FMR1: variants seen among roughly 807,000 people sequenced by gnomAD.
FMR1 encodes FMRP translational regulator 1.
FMR1 carries 13 observed loss-of-function variants against 50.6 expected under a neutral mutation model. The observed-to-expected ratio is 0.26, with a 90% CI of 0.17 to 0.41. The LOEUF is 0.41. FMR1 is among the 10% of genes least tolerant of loss of function. The pLI is 1.00. For missense variants in FMR1, 316 were observed against 491.3 expected, an observed-to-expected ratio of 0.64 and a Z score of 3.37; for synonymous variants, 138 against 164.1, an observed-to-expected ratio of 0.84 and a Z score of 1.22.
Position 147,949,807 on chromosome X carries a change from G to A in FMR1, c.*963G>A, listed in dbSNP as rs1557183107. ...GAGCTTTTTTTTTTTAATTTTGTCT[G>A]CCCCAAGTTTTGTGAAATTTTTCAT... On this transcript the variant is annotated 3_prime_UTR_variant, in exon 17 of 17. Coordinates refer to ENST00000370475, the MANE Select transcript of FMR1 (RefSeq NM_002024.6). The A allele has an allele frequency of 3.1e-6, 1 of 325,638 alleles. No individual in the cohort carries two copies. The highest frequency in any genetic ancestry group is 2.7e-5 in the African/African-American group (1 of 37,356). The allele number at this position is 325,638 out of a possible 1,213,427, so 26.8% of individuals were successfully genotyped here. A position where few individuals can be genotyped will look rare whatever the true frequency, so the allele number is the denominator to read the frequency against.
chrX:147,950,444 T>C lies in FMR1; in HGVS notation c.*1600T>C, dbSNP rs2044291470. ...ATTGGTACCTTGCACACATCATCTGTAAGCTGTTTGGTTTTAAAATACTGT... is the reference window on the plus strand; with the variant it reads ...ATTGGTACCTTGCACACATCATCTGCAAGCTGTTTGGTTTTAAAATACTGT... On this transcript the variant is annotated 3_prime_UTR_variant, in exon 17 of 17. Transcript: ENST00000370475. 3.0e-6 allele frequency: 1 copy of C among 328,362 alleles called. No homozygotes were observed. Among genetic ancestry groups the C allele is most frequent in the Non-Finnish European group, 5.9e-6 (1 of 169,701 alleles). The allele number at this position is 328,362 out of a possible 1,213,427, so 27.1% of individuals were successfully genotyped here.
chrX:147,943,547 G>C, intron 14 of FMR1: 1 of 415,808 alleles, frequency 2.4e-6, no homozygotes, highest in Non-Finnish European at 4.2e-6. Flanking sequence ...CTGATTGGGG[G>C]TAAATCTGCA....
In FMR1 at chrX:147,930,172, C is replaced by A. The variant is rs1557178448; in HGVS notation, c.558C>A (p.Asp186Glu). 2.2e-5 allele frequency: 26 copies of A among 1,209,242 alleles called. No individual in the cohort carries two copies. The highest frequency in any genetic ancestry group is 2.9e-5 in the Non-Finnish European group (26 of 893,334). ...VTSKRAHMLI[D>E]MHFRSLRTKL... ...CAAAGCGAGCACATATGCTGATTGA[C>A]ATGCACTTTCGGAGTCTGCGCACTA... Residue 186 changes from aspartate (D) to glutamate (E), a missense_variant, in exon 7 of 17, where the codon GAC (aspartate) becomes GAA (glutamate). By Grantham distance (45) the Asp-to-Glu change is conservative. Around this residue, in one of 4 missense-constraint regions of FMR1, gnomAD observed 124 missense variants for 238.1 expected, o/e 0.52. Coordinates refer to ENST00000370475, the MANE Select transcript of FMR1 (RefSeq NM_002024.6).
chrX:147,925,454 T>C (rs1557177352), intron 2 of FMR1, 86 bp from the exon 3 acceptor site: 1 of 743,468 alleles, frequency 1.3e-6, no homozygotes, highest in South Asian at 2.1e-5. Context: ...GGGGTCAGCC[T>C]TAACCAAAAG....
chrX:147,914,842 G>A (rs1341236766), intron 1 of FMR1, among the ~76,000 whole-genome samples: 1 of 111,653 alleles, frequency 9.0e-6, no homozygotes, highest in East Asian at 2.8e-4. Context: ...TTTATTCTAG[G>A]TGCATCTGCC....
rs782082298 is a variant in FMR1 at position 147,937,629 on chromosome X, A to G, written c.1125+29A>G. The G allele has an allele frequency of 4.3e-6, 3 of 697,145 alleles. No homozygotes were observed. In the South Asian group the frequency reaches 6.4e-5, roughly 15 times the overall value. 57.5% of individuals were successfully genotyped at this position (697,145 alleles called of 1,213,427 possible). ...AGAATTACTTGTCACTTTGAATTACAATACAAGTAATTTGTCTCAGATGTC... is the reference window on the plus strand; with the variant it reads ...AGAATTACTTGTCACTTTGAATTACGATACAAGTAATTTGTCTCAGATGTC... On this transcript the variant is annotated intron_variant, in intron 11 of 16. Transcript: ENST00000370475.
chrX:147,921,927 A>G lies in FMR1; in HGVS notation c.52-6A>G. 1.7e-6 allele frequency: 2 copies of G among 1,147,831 alleles called. No homozygotes were observed. The highest frequency in any genetic ancestry group is 2.4e-6 in the Non-Finnish European group (2 of 838,263). 94.6% of individuals were successfully genotyped at this position (1,147,831 alleles called of 1,213,427 possible). Reference sequence around the variant, plus strand: ...ACAAGTTAATTTAACGTTTTTTCTTACACAGGCATTTGTAAAGGATGTTCA... The same window carrying G: ...ACAAGTTAATTTAACGTTTTTTCTTGCACAGGCATTTGTAAAGGATGTTCA... On this transcript the variant is annotated splice_region_variant and splice_polypyrimidine_tract_variant and intron_variant, in intron 1 of 16. Transcript: ENST00000370475.
chrX:147,925,169 A>T, intron 2 of FMR1: 2 of 157,489 alleles, frequency 1.3e-5, no homozygotes, highest in Non-Finnish European at 1.2e-5. Flanking sequence ...AAGCATATTT[A>T]TATTACTAAC....
At chrX:147,919,646 G>A (rs968920587) in intron 1 of FMR1, among the ~76,000 whole-genome samples, 6 of 112,164 alleles carry the variant, frequency 5.3e-5, no homozygotes, top group Non-Finnish European at 9.4e-5. Context: ...TAGCCACCTT[G>A]GGTATAGCAC....
chrX:147,946,453 A>G (rs1313448115), intron 16 of FMR1, among the ~76,000 whole-genome samples: 2 of 112,466 alleles, frequency 1.8e-5, no homozygotes, highest in African/African-American at 3.2e-5. Flanking sequence ...TCTCTTCTCA[A>G]TTGGCTGTCA....
chrX:147,930,097 G>C (rs782601389), intron 6 of FMR1, 31 bp from the exon 7 acceptor site: 2 of 1,156,404 alleles, frequency 1.7e-6, no homozygotes, highest in South Asian at 3.6e-5. Context: ...CAATTGCCTT[G>C]ATAATAATGT....
chrX:147,914,955 G>A (rs2042775613), intron 1 of FMR1, among the ~76,000 whole-genome samples: 1 of 111,810 alleles, frequency 8.9e-6, no homozygotes, highest in Admixed American at 9.5e-5. Context: ...CAATATGAAT[G>A]CCCTAATGAA....
At position 147,948,913 on chromosome X, in the gene FMR1, G is replaced by C; in HGVS notation, c.*69G>C. On this transcript the variant is annotated 3_prime_UTR_variant, in exon 17 of 17. Coordinates refer to ENST00000370475, the MANE Select transcript of FMR1 (RefSeq NM_002024.6). ...TTCTTATTCCATATTAGAAAACTTTGTTAGGCCAAAGACAAATAGTAGGCA... is the reference window on the plus strand; with the variant it reads ...TTCTTATTCCATATTAGAAAACTTTCTTAGGCCAAAGACAAATAGTAGGCA... 9.4e-7 allele frequency: 1 copy of C among 1,067,766 alleles called. No individual in the cohort carries two copies. Among genetic ancestry groups the C allele is most frequent in the Non-Finnish European group, 1.3e-6 (1 of 766,486 alleles). 88.0% of individuals were successfully genotyped at this position (1,067,766 alleles called of 1,213,427 possible). A position where few individuals can be genotyped will look rare whatever the true frequency, so the allele number is the denominator to read the frequency against.
Position 147,932,601 on chromosome X carries a change from T to C in FMR1, c.801+6T>C. The C allele has an allele frequency of 8.3e-7, 1 of 1,203,802 alleles. No homozygotes were observed. The highest frequency in any genetic ancestry group is 1.1e-6 in the Non-Finnish European group (1 of 888,330). On this transcript the variant is annotated splice_donor_region_variant and intron_variant, in intron 8 of 16. Transcript: ENST00000370475. ...CATTTCATATTTATGGAGAGGTAAA[T>C]ATTTTACTGCATAGTTTTTTTTTCC...
chrX:147,939,056 A>C (rs1431165199), intron 12 of FMR1, among the ~76,000 whole-genome samples: 3 of 112,024 alleles, frequency 2.7e-5, no homozygotes, highest in African/African-American at 9.7e-5. Context: ...TTTTAAAGCT[A>C]TTTTGGTGAT....
At chrX:147,944,604 T>G in intron 14 of FMR1, 1 of 982,687 alleles carries the variant, frequency 1.0e-6, no homozygotes, top group Non-Finnish European at 1.3e-6. Flanking sequence ...ACATCAAGGT[T>G]TGAACTTAGG....
Position 147,928,912 on chromosome X carries a change from T to C in FMR1, c.419+105T>C. 4.4e-6 allele frequency: 4 copies of C among 906,377 alleles called. No individual in the cohort carries two copies. The South Asian group carries it at 6.6e-5, about 15-fold the overall frequency. 74.7% of individuals were successfully genotyped at this position (906,377 alleles called of 1,213,427 possible). On this transcript the variant is annotated intron_variant, in intron 5 of 16. Transcript: ENST00000370475. The stretch of plus-strand genomic sequence containing the variant: ...TTTTTAAACTACTAGAAATTGATTT[T>C]AAATTTGGTGGACTTTGGCAAAAAT...
chrX:147,943,966 A>T (rs1453949514), intron 14 of FMR1: 1 of 125,262 alleles, frequency 8.0e-6, no homozygotes, highest in Non-Finnish European at 1.5e-5. Context: ...TTTGCATTTC[A>T]AAAAGGAACT....
chrX:147,924,658 C>A (rs1286427096), intron 2 of FMR1, among the ~76,000 whole-genome samples: 1 of 103,730 alleles, frequency 9.6e-6, no homozygotes, highest in Admixed American at 1.0e-4. Context: ...ACTATAGGCA[C>A]ATACCACTGC....
Sources: gnomAD v4.1 joint callset for allele counts (sites outside exome capture counted in the v4.1 genomes callset) on GRCh38, gnomAD v4.1.1 for gene constraint, gnomAD v4.1.1 regional missense constraint, MANE v1.5 for transcripts, NCBI Gene and HGNC (gene_info 2026-07-23, HGNC 2026-07-21) for gene names.